RIC8B: variants seen among roughly 807,000 people sequenced by gnomAD.
RIC8B encodes the protein chaperone Ric-8B.
RIC8B carries 16 observed loss-of-function variants against 57.5 expected under a neutral mutation model. That is an observed-to-expected ratio of 0.28 (90% CI 0.19 to 0.42). The LOEUF (loss-of-function observed/expected upper bound fraction) is 0.42, where lower values mean the gene tolerates loss of function less well. RIC8B is among the 10% of genes least tolerant of loss of function. The pLI, the probability that RIC8B is intolerant of heterozygous loss-of-function variation, is 1.00. For synonymous variants in RIC8B, 216 were observed against 250.8 expected, an observed-to-expected ratio of 0.86 and a Z score of 1.31; for missense variants, 481 against 677.0, an observed-to-expected ratio of 0.71 and a Z score of 3.21.
At chr12:106,823,513 AGTCT>A (rs1215197436) in intron 3 of RIC8B, 1 of 453,620 alleles carries the variant, frequency 2.2e-6, no homozygotes, top group Non-Finnish European at 4.4e-6. Flanking sequence ...GATTTCCAAA[AGTCT>A]GTCAACATCA....
chr12:106,783,947 A>T (rs761668319), intron 1 of RIC8B, 50 bp from the exon 2 acceptor site: 16 of 1,570,484 alleles, frequency 1.0e-5, no homozygotes, highest in African/African-American at 5.4e-5. Flanking sequence ...AGCCAAAATT[A>T]AAAAATACAT....
At chr12:106,858,906 T>C (rs147278095) in intron 7 of RIC8B, among the ~76,000 whole-genome samples, 41 of 152,260 alleles carry the variant, frequency 2.7e-4, no homozygotes, top group African/African-American at 9.6e-4. Flanking sequence ...ATTTATCCTG[T>C]CCGTATCCTC....
chr12:106,819,643 C>G (rs1260851726), intron 3 of RIC8B, among the ~76,000 whole-genome samples: 2 of 150,648 alleles, frequency 1.3e-5, no homozygotes, highest in African/African-American at 4.9e-5. Flanking sequence ...GCCTGTAGTC[C>G]TAGCTACTTG....
At chr12:106,830,688 C>G (rs1023578891) in intron 4 of RIC8B, among the ~76,000 whole-genome samples, 1 of 152,162 alleles carries the variant, frequency 6.6e-6, no homozygotes, top group Non-Finnish European at 1.5e-5. Flanking sequence ...GAGGACTTCA[C>G]AATGCATACC....
At chr12:106,860,813 T>A (rs1049135165) in intron 8 of RIC8B, among the ~76,000 whole-genome samples, 2 of 152,094 alleles carry the variant, frequency 1.3e-5, no homozygotes, top group Non-Finnish European at 2.9e-5. Flanking sequence ...TAGGTTCTGA[T>A]CCTCCCCCTT....
chr12:106,835,400 C>G (rs973280693), intron 4 of RIC8B, among the ~76,000 whole-genome samples: 8 of 152,200 alleles, frequency 5.3e-5, no homozygotes, highest in African/African-American at 1.9e-4. Flanking sequence ...TTTTGCTATT[C>G]CCTCTTATAG....
chr12:106,812,292 T>C (rs527893082), intron 2 of RIC8B, among the ~76,000 whole-genome samples: 1 of 152,310 alleles, frequency 6.6e-6, no homozygotes, highest in South Asian at 2.1e-4. Flanking sequence ...ATAAATTTTG[T>C]AGGCACCTTT....
chr12:106,791,009 T>C lies in RIC8B; in HGVS notation c.132+6965T>C, dbSNP rs2044239815. Among the ~76,000 whole-genome samples, 3 of 152,322 alleles carry C rather than the reference T, an allele frequency of 2.0e-5. No individual in the cohort carries two copies. The South Asian group carries it at 6.2e-4, about 32-fold the overall frequency. ...CAGCAAAATAGGCACCTATAATAAATGCTTGTTAACTGAATGAAAAGAACT... is the reference window on the plus strand; with the variant it reads ...CAGCAAAATAGGCACCTATAATAAACGCTTGTTAACTGAATGAAAAGAACT... On this transcript the variant is annotated intron_variant, in intron 2 of 9. Coordinates refer to ENST00000392837, the MANE Select transcript of RIC8B (RefSeq NM_001330145.2).
At chr12:106,811,401 C>T (rs1220976644) in intron 2 of RIC8B, among the ~76,000 whole-genome samples, 1 of 152,204 alleles carries the variant, frequency 6.6e-6, no homozygotes, top group African/African-American at 2.4e-5. Flanking sequence ...CATTTCTGGA[C>T]CCTCATCCCA....
chr12:106,879,686 T>G lies in RIC8B; in HGVS notation c.1572-6218T>G. ...GGTTTCCTTTCTTGGACGTGCTTTA[T>G]CTGTGTCCTCTTGCCTGGCCAAGCC... On this transcript the variant is annotated intron_variant, in intron 9 of 9. Coordinates refer to ENST00000392837, the MANE Select transcript of RIC8B (RefSeq NM_001330145.2). The surrounding 1 kb of genome is among the most constrained non-coding windows in gnomAD (Gnocchi z 4.9). 1 of 985,444 alleles carries G rather than the reference T, an allele frequency of 1.0e-6. No homozygotes were observed. Among genetic ancestry groups the G allele is most frequent in the East Asian group, 1.1e-4 (1 of 8,820 alleles). The allele number at this position is 985,444 out of a possible 1,614,324, so 61.0% of individuals were successfully genotyped here.
chr12:106,784,186 A>G, intron 2 of RIC8B, 142 bp downstream of exon 2: 1 of 765,534 alleles, frequency 1.3e-6, no homozygotes, highest in Non-Finnish European at 2.2e-6. Flanking sequence ...GAACCCTGAG[A>G]AGAAAGGTTA....
intron 2 of RIC8B, among the ~76,000 whole-genome samples, chr12:106,804,481 G>A (rs1382454593): frequency 5.3e-5 from 8 of 152,186 alleles, no homozygotes; most frequent in African/African-American, 1.7e-4. Context: ...CTCCCAAAGT[G>A]CTGGGCGTGA....
chr12:106,829,508 T>A (rs1404846305), intron 4 of RIC8B, among the ~76,000 whole-genome samples: 1 of 152,220 alleles, frequency 6.6e-6, no homozygotes, highest in African/African-American at 2.4e-5. Flanking sequence ...TTAGACTAAT[T>A]CACTTTGTCT....
intron 3 of RIC8B, among the ~76,000 whole-genome samples, chr12:106,823,684 ATTT>A (rs375444524): frequency 2.1e-5 from 3 of 142,964 alleles, no homozygotes. Flanking sequence ...ATATGAGATA[ATTT>A]TTTTTTTTTT....
chr12:106,800,702 T>C (rs1263443148), intron 2 of RIC8B, among the ~76,000 whole-genome samples: 1 of 152,172 alleles, frequency 6.6e-6, no homozygotes, highest in East Asian at 1.9e-4. Context: ...CTATTAGAGC[T>C]GAAAACCAGG....
At chr12:106,826,104 A>G (rs2136332497) in intron 4 of RIC8B, among the ~76,000 whole-genome samples, 1 of 152,356 alleles carries the variant, frequency 6.6e-6, no homozygotes, top group Middle Eastern at 3.4e-3. Context: ...TTTATCCAGA[A>G]CAACAATAAT....
At chr12:106,786,301 A>G (rs960223527) in intron 2 of RIC8B, among the ~76,000 whole-genome samples, 2 of 151,656 alleles carry the variant, frequency 1.3e-5, no homozygotes, top group Non-Finnish European at 2.9e-5. Context: ...AGGCGCCCGC[A>G]ACCACGCCCA....
rs1014626654 is a variant in RIC8B, at chr12:106,859,195, T to C, written c.1307-1073T>C. Among the ~76,000 whole-genome samples the C allele has an allele frequency of 2.6e-5, 4 of 152,214 alleles. No homozygotes were observed. In the East Asian group the frequency reaches 5.8e-4, roughly 22 times the overall value. On this transcript the variant is annotated intron_variant, in intron 7 of 9. Transcript: ENST00000392837. Reference sequence around the variant, plus strand: ...GACCTTAAGTAAATTTTCTCAATTCTTATCTTTTGATTAAATATTCTGTTT... The same window carrying C: ...GACCTTAAGTAAATTTTCTCAATTCCTATCTTTTGATTAAATATTCTGTTT...
rs143360046 is a variant in RIC8B at position 106,844,309 on chromosome 12, G to A, written c.1161+362G>A. 2.5e-3 allele frequency among the ~76,000 whole-genome samples: 379 copies of A among 152,290 alleles called. 1 individual carries two copies. Among genetic ancestry groups the A allele is most frequent in the African/African-American group, 8.3e-3 (346 of 41,554 alleles). ...TTTAAGAGAGAGGAGACACTTTAAG[G>A]GAACAAGGGAGGACCTCTCTGAGAT... On this transcript the variant is annotated intron_variant, in intron 6 of 9. Transcript: ENST00000392837.
Sources: gnomAD v4.1 joint callset for allele counts (sites outside exome capture counted in the v4.1 genomes callset) on GRCh38, gnomAD v4.1.1 for gene constraint, Gnocchi (gnomAD v3.1) non-coding constraint, MANE v1.5 for transcripts, NCBI Gene and HGNC (gene_info 2026-07-23, HGNC 2026-07-21) for gene names.